Variants in BTF3L4 observed in about 807,000 individuals in gnomAD.
BTF3L4 encodes transcription factor BTF3 homolog 4.
A neutral mutation model predicts 16.8 loss-of-function variants in BTF3L4; 6 were observed. That is an observed-to-expected ratio of 0.36 (90% CI 0.20 to 0.71). BTF3L4 has a LOEUF of 0.71. BTF3L4 is among the 30% of genes least tolerant of loss of function. BTF3L4 has a pLI of 0.58. For missense variants in BTF3L4, 92 were observed against 186.9 expected (o/e 0.49, Z 2.96); for synonymous variants, 39 against 59.8 (o/e 0.65, Z 1.60).
At chr1:52,069,761 C>T (rs765904906) in intron 3 of BTF3L4, among the ~76,000 whole-genome samples, 26 of 152,100 alleles carry the variant, frequency 1.7e-4, no homozygotes, top group Non-Finnish European at 2.8e-4. Flanking sequence ...TAGTGGATCT[C>T]AAAATTCATT....
At chr1:52,056,949 A>C (rs768645685) in intron 1 of BTF3L4, among the ~76,000 whole-genome samples, 1 of 152,144 alleles carries the variant, frequency 6.6e-6, no homozygotes, top group Non-Finnish European at 1.5e-5. Context: ...GGCGGTTTCA[A>C]CTTCCGTTCC....
rs1477804696 is a variant in BTF3L4 at position 52,089,414 on chromosome 1, A to G, written c.*2656A>G. ...AGTCTCAAAGAAATCCTCTCCACAA[A>G]GACATGTTCCTCCCTCTGGTGTGGG... On this transcript the variant is annotated 3_prime_UTR_variant, in exon 6 of 6. Coordinates refer to ENST00000313334, the MANE Select transcript of BTF3L4 (RefSeq NM_152265.5). The G allele has an allele frequency of 6.6e-6, 1 of 152,176 alleles. No homozygotes were observed. The highest frequency in any genetic ancestry group is 1.5e-5 in the Non-Finnish European group (1 of 68,042). The allele number at this position is 152,176 out of a possible 1,614,324, so 9.4% of individuals were successfully genotyped here.
At position 52,090,057 on chromosome 1, in the gene BTF3L4, C is replaced by T. The variant is rs1357775032; in HGVS notation, c.*3299C>T. 1 of 152,142 alleles carries T rather than the reference C, an allele frequency of 6.6e-6. No individual in the cohort carries two copies. Among genetic ancestry groups the T allele is most frequent in the East Asian group, 1.9e-4 (1 of 5,198 alleles). 9.4% of individuals were successfully genotyped at this position (152,142 alleles called of 1,614,324 possible). The stretch of plus-strand genomic sequence containing the variant: ...ACAAGTTTTTAGATAGAGATCAATT[C>T]TGCTATCTACCCTTACATTGTAACC... On this transcript the variant is annotated 3_prime_UTR_variant, in exon 6 of 6. Coordinates refer to ENST00000313334, the MANE Select transcript of BTF3L4 (RefSeq NM_152265.5).
chr1:52,089,078 A>G lies in BTF3L4; in HGVS notation c.*2320A>G, dbSNP rs766783185. On this transcript the variant is annotated 3_prime_UTR_variant, in exon 6 of 6. Coordinates refer to ENST00000313334, the MANE Select transcript of BTF3L4 (RefSeq NM_152265.5). ...CCCAGCCCAAATGAGATGTTTCTAA[A>G]TCTAAAGTTTCTTCTGCTTCTGCAT... 2 of 152,066 alleles carry G rather than the reference A, an allele frequency of 1.3e-5. No homozygotes were observed. The highest frequency in any genetic ancestry group is 4.8e-5 in the African/African-American group (2 of 41,394). 9.4% of individuals were successfully genotyped at this position (152,066 alleles called of 1,614,324 possible). A position where few individuals can be genotyped will look rare whatever the true frequency, so the allele number is the denominator to read the frequency against.
chr1:52,060,851 G>A (rs1686490970), intron 2 of BTF3L4, among the ~76,000 whole-genome samples: 1 of 152,216 alleles, frequency 6.6e-6, no homozygotes, highest in South Asian at 2.1e-4. Flanking sequence ...TAGTCACATT[G>A]TAGCATCAAG....
chr1:52,074,367 A>AT (rs754757886), intron 3 of BTF3L4, among the ~76,000 whole-genome samples: 8,085 of 138,386 alleles, frequency 0.058, 232 homozygotes, highest in African/African-American at 0.066. Flanking sequence ...CAACCAGCTA[A>AT]TTTTTTTTTT....
intron 3 of BTF3L4, among the ~76,000 whole-genome samples, chr1:52,068,985 C>T (rs1257777813): frequency 6.6e-6 from 1 of 152,096 alleles, no homozygotes; most frequent in Non-Finnish European, 1.5e-5. Context: ...ATTGTGAATT[C>T]TTTTTTGTTA....
Position 52,083,803 on chromosome 1 carries a change from T to C in BTF3L4, c.370+262T>C, listed in dbSNP as rs374757047. On this transcript the variant is annotated intron_variant, in intron 4 of 5. Coordinates refer to ENST00000313334, the MANE Select transcript of BTF3L4 (RefSeq NM_152265.5). ...GGGAGGCCGAGACGGGCAGATTGCC[T>C]GAGGTCAGGAGTTCGAGACCAGCCT... Among the ~76,000 whole-genome samples, 73 of 152,242 alleles carry C rather than the reference T, an allele frequency of 4.8e-4. No homozygotes were observed. In the East Asian group the frequency reaches 0.013, roughly 27 times the overall value.
chr1:52,083,595 A>G, intron 4 of BTF3L4, 54 bp downstream of exon 4: 2 of 1,395,272 alleles, frequency 1.4e-6, no homozygotes, highest in Non-Finnish European at 2.0e-6. Flanking sequence ...TAAAGAACCT[A>G]ATCATTTAAA....
chr1:52,081,425 G>GA (rs1469569503), intron 3 of BTF3L4, among the ~76,000 whole-genome samples: 2 of 152,116 alleles, frequency 1.3e-5, no homozygotes, highest in Non-Finnish European at 2.9e-5. Context: ...CACCTGGCCT[G>GA]AAATCCTCTT....
rs1206397221 is a variant in BTF3L4 at position 52,059,934 on chromosome 1, A to C, written c.54+33A>C. 3 of 1,575,038 alleles carry C rather than the reference A, an allele frequency of 1.9e-6. No homozygotes were observed. In the African/African-American group the frequency reaches 4.1e-5, roughly 21 times the overall value. Reference sequence around the variant, plus strand: ...TGGCATAAGAAAAATTGATAGGAGAATGTATGATTACCAGATAGTGTTATT... The same window carrying C: ...TGGCATAAGAAAAATTGATAGGAGACTGTATGATTACCAGATAGTGTTATT... On this transcript the variant is annotated intron_variant, in intron 2 of 5. Transcript: ENST00000313334.
intron 1 of BTF3L4, 136 bp from the exon 2 acceptor site, chr1:52,059,699 G>T: frequency 1.9e-6 from 1 of 535,814 alleles, no homozygotes; most frequent in Non-Finnish European, 3.3e-6. Context: ...TGTTTATTAA[G>T]AATATAGACA....
chr1:52,065,641 A>G (rs1686628713), intron 3 of BTF3L4, among the ~76,000 whole-genome samples: 1 of 152,186 alleles, frequency 6.6e-6, no homozygotes, highest in Admixed American at 6.5e-5. Flanking sequence ...ATGCACCTGT[A>G]TATTTTACAG....
rs1481840297 is a variant in BTF3L4, at chr1:52,090,530, T to C, written c.*3772T>C. 1.3e-5 allele frequency: 2 copies of C among 152,304 alleles called. No homozygotes were observed. The highest frequency in any genetic ancestry group is 6.8e-3 in the Middle Eastern group (2 of 294). The allele number at this position is 152,304 out of a possible 1,614,324, so 9.4% of individuals were successfully genotyped here. ...GCCCATTACACAGGAGCCAGCTACCTAAATTTCCTATCTGAGCATGTCCTT... is the reference window on the plus strand; with the variant it reads ...GCCCATTACACAGGAGCCAGCTACCCAAATTTCCTATCTGAGCATGTCCTT... On this transcript the variant is annotated 3_prime_UTR_variant, in exon 6 of 6. Coordinates refer to ENST00000313334, the MANE Select transcript of BTF3L4 (RefSeq NM_152265.5).
At chr1:52,065,667 T>C (rs1358631933) in intron 3 of BTF3L4, among the ~76,000 whole-genome samples, 1 of 152,242 alleles carries the variant, frequency 6.6e-6, no homozygotes, top group African/African-American at 2.4e-5. Context: ...CATTAGTTAC[T>C]ACCTCAGCCA....
intron 4 of BTF3L4, 137 bp from the exon 5 acceptor site, chr1:52,085,975 T>C: frequency 2.1e-6 from 1 of 477,760 alleles, no homozygotes; most frequent in Non-Finnish European, 3.6e-6. Flanking sequence ...AAAATATGAA[T>C]GGCATTTTAG....
chr1:52,086,363 A>T, intron 5 of BTF3L4, 192 bp downstream of exon 5: 1 of 495,682 alleles, frequency 2.0e-6, no homozygotes, highest in Non-Finnish European at 3.6e-6. Context: ...AAATTGTCAC[A>T]CAAAGCTCTG....
intron 2 of BTF3L4, among the ~76,000 whole-genome samples, chr1:52,060,867 T>G (rs1686491381): frequency 6.6e-6 from 1 of 152,238 alleles, no homozygotes; most frequent in African/African-American, 2.4e-5. Flanking sequence ...TCAAGTGTGA[T>G]GTGATGTGCC....
At chr1:52,064,466 C>G (rs1225686250) in intron 2 of BTF3L4, among the ~76,000 whole-genome samples, 2 of 151,982 alleles carry the variant, frequency 1.3e-5, no homozygotes, top group African/African-American at 4.8e-5. Context: ...GTGGTAGTTA[C>G]TATAAGAAAA....
Sources: allele counts gnomAD v4.1 joint callset (sites outside exome capture counted in the v4.1 genomes callset), GRCh38; gene constraint gnomAD v4.1.1; transcripts MANE v1.5; gene names NCBI Gene and HGNC (gene_info 2026-07-23, HGNC 2026-07-21).